PRKDC: variants seen among roughly 807,000 people sequenced by gnomAD.
PRKDC encodes the protein protein kinase, DNA-activated, catalytic subunit.
A neutral mutation model predicts 486.9 loss-of-function variants in PRKDC; 82 were observed. The ratio of observed to expected loss-of-function variants is 0.17; its 90% confidence interval spans 0.14 to 0.20. PRKDC has a LOEUF of 0.20. Ranked by LOEUF, PRKDC falls within the 10% of genes least tolerant of loss-of-function variation. PRKDC has a pLI of 1.00. For missense variants in PRKDC, 4,504 were observed against 5,038.2 expected (o/e 0.89, Z 3.21); for synonymous variants, 1,895 against 1,837.0 (o/e 1.03, Z -0.81).
intron 40 of PRKDC, among the ~76,000 whole-genome samples, chr8:47,876,073 G>A (rs1163465314): frequency 1.3e-5 from 2 of 152,216 alleles, no homozygotes; most frequent in Non-Finnish European, 2.9e-5. Context: ...AAGACAGAAA[G>A]TAGATTAGTG....
chr8:47,864,123 A>T (rs1174340292), intron 41 of PRKDC, among the ~76,000 whole-genome samples: 1 of 152,182 alleles, frequency 6.6e-6, no homozygotes, highest in Non-Finnish European at 1.5e-5. Flanking sequence ...GTAGGCCATA[A>T]ATGAAATCAC....
chr8:47,821,219 G>A (rs1479653665), intron 65 of PRKDC, among the ~76,000 whole-genome samples: 1 of 152,146 alleles, frequency 6.6e-6, no homozygotes, highest in Non-Finnish European at 1.5e-5. Context: ...TACAAACTGA[G>A]GAATTTACAA....
chr8:47,791,437 T>C (rs1296540651), intron 74 of PRKDC, among the ~76,000 whole-genome samples: 1 of 152,132 alleles, frequency 6.6e-6, no homozygotes, highest in Non-Finnish European at 1.5e-5. Context: ...ATTGCGCCAC[T>C]GCACTCTACC....
At chr8:47,852,626 C>A in intron 52 of PRKDC, 47 bp downstream of exon 52, 3 of 1,222,902 alleles carry the variant, frequency 2.5e-6, no homozygotes, top group East Asian at 2.6e-5. Context: ...CATAACAAAT[C>A]AAAACAGAGT....
chr8:47,934,225 C>A, intron 14 of PRKDC, 135 bp from the exon 15 acceptor site: 3 of 1,069,242 alleles, frequency 2.8e-6, no homozygotes, highest in African/African-American at 3.2e-5. Flanking sequence ...AGGAAGACAT[C>A]GTATTAAAAA....
At position 47,835,031 on chromosome 8, in the gene PRKDC, T is replaced by C. The variant is rs557788214; in HGVS notation, c.7952-635A>G. Among the ~76,000 whole-genome samples, 178 of 152,258 alleles carry C rather than the reference T, an allele frequency of 1.2e-3. 1 individual carries two copies. The South Asian group carries it at 0.036, about 31-fold the overall frequency. The stretch of plus-strand genomic sequence containing the variant: ...TAGTGTCACAGAATTTCAATTGTGA[T>C]TATTCATATTAGTCCCACTTCCAGA... On this transcript the variant is annotated intron_variant, in intron 58 of 85. Transcript: ENST00000314191.
At chr8:47,820,066 C>G (rs973864414) in intron 66 of PRKDC, among the ~76,000 whole-genome samples, 2 of 152,030 alleles carry the variant, frequency 1.3e-5, no homozygotes, top group African/African-American at 4.8e-5. Context: ...AAGATCAACC[C>G]CTGCTCTTCT....
chr8:47,905,073 A>C (rs2089753048), intron 25 of PRKDC, 97 bp from the exon 26 acceptor site: 1 of 838,806 alleles, frequency 1.2e-6, no homozygotes, highest in Non-Finnish European at 1.9e-6. Flanking sequence ...GTATAAAATT[A>C]AGTAATACTA....
At chr8:47,780,204 T>G (rs1233293945) in intron 80 of PRKDC, among the ~76,000 whole-genome samples, 1 of 152,220 alleles carries the variant, frequency 6.6e-6, no homozygotes, top group Non-Finnish European at 1.5e-5. Flanking sequence ...CGTGAGCTAC[T>G]GCGCCCAGCC....
chr8:47,923,417 A>G (rs1156267598), intron 21 of PRKDC, among the ~76,000 whole-genome samples: 1 of 152,128 alleles, frequency 6.6e-6, no homozygotes, highest in African/African-American at 2.4e-5. Flanking sequence ...AAATTTTCTG[A>G]GCTTTACACT....
At chr8:47,901,181 G>A (rs747856051) in intron 27 of PRKDC, among the ~76,000 whole-genome samples, 3 of 150,722 alleles carry the variant, frequency 2.0e-5, no homozygotes, top group African/African-American at 4.9e-5. Flanking sequence ...GGGGGGCTCT[G>A]TCTTAAAACA....
chr8:47,882,346 G>A (rs996951436), intron 36 of PRKDC, among the ~76,000 whole-genome samples: 8 of 152,110 alleles, frequency 5.3e-5, no homozygotes, highest in African/African-American at 1.2e-4. Flanking sequence ...CCTAGTCTGC[G>A]CAGTCTAGGA....
In PRKDC at chr8:47,943,238, G is replaced by T; in HGVS notation, c.937C>A (p.Leu313Ile). The stretch of plus-strand genomic sequence containing the variant: ...TTCAGAAAGGATTCCAGGGCTGAAA[G>T]TGCAGCTTTTTTCAATTCTACATTT... ...HTNVELKKAA[L>I]SALESFLKQV... is the part of the protein sequence containing the mutation. Residue 313 changes from leucine (L) to isoleucine (I), a missense_variant, in exon 10 of 86, where the codon CTT becomes ATT. By Grantham distance (5) the Leu-to-Ile change is conservative. Transcript: ENST00000314191. 6.2e-7 allele frequency: 1 copy of T among 1,613,436 alleles called. No homozygotes were observed.
chr8:47,907,614 G>A (rs536300402), intron 25 of PRKDC, among the ~76,000 whole-genome samples: 24 of 139,328 alleles, frequency 1.7e-4, no homozygotes, highest in African/African-American at 6.2e-4. Context: ...GGCTCACTGC[G>A]ACCTCTGACT....
chr8:47,906,587 C>A (rs1274438689), intron 25 of PRKDC, among the ~76,000 whole-genome samples: 2 of 150,128 alleles, frequency 1.3e-5, no homozygotes, highest in Non-Finnish European at 3.0e-5. Flanking sequence ...GAGCCGAGAT[C>A]GTCCCACTGC....
intron 28 of PRKDC, among the ~76,000 whole-genome samples, chr8:47,899,846 A>T (rs2089648077): frequency 6.6e-6 from 1 of 152,178 alleles, no homozygotes; most frequent in Admixed American, 6.5e-5. Context: ...ATAGAATTTA[A>T]TTGTAATCAT....
chr8:47,810,962 G>A (rs1284258608), intron 68 of PRKDC, among the ~76,000 whole-genome samples: 3 of 152,196 alleles, frequency 2.0e-5, no homozygotes, highest in Admixed American at 6.5e-5. Flanking sequence ...CACGATGTAT[G>A]TGTAACTGCA....
chr8:47,917,025 G>C (rs1373613868), intron 22 of PRKDC, among the ~76,000 whole-genome samples: 2 of 152,144 alleles, frequency 1.3e-5, no homozygotes, highest in African/African-American at 2.4e-5. Context: ...AGAGGCTGAG[G>C]TGGGCGGATT....
intron 38 of PRKDC, among the ~76,000 whole-genome samples, 176 bp from the exon 39 acceptor site, chr8:47,879,834 CTTTTTTTTTTTTT>C (rs759336069): frequency 1.0e-5 from 1 of 99,218 alleles, no homozygotes; most frequent in East Asian, 3.4e-4. Flanking sequence ...TATACCTCAG[CTTTTTTTTTTTTT>C]TTTTTTTTTT....
Sources: gnomAD v4.1 joint callset for allele counts (sites outside exome capture counted in the v4.1 genomes callset) on GRCh38, gnomAD v4.1.1 for gene constraint, MANE v1.5 for transcripts, NCBI Gene and HGNC (gene_info 2026-07-23, HGNC 2026-07-21) for gene names.